GLS2: variants seen among roughly 807,000 people sequenced by gnomAD.
GLS2 encodes glutaminase liver isoform, mitochondrial.
GLS2 carries 52 observed loss-of-function variants against 79.0 expected under a neutral mutation model. That is an observed-to-expected ratio of 0.66 (90% CI 0.53 to 0.83). GLS2 has a LOEUF of 0.83. GLS2 is among the 40% of genes least tolerant of loss of function. The pLI is 0.00. For missense variants in GLS2, 561 were observed against 764.8 expected (o/e 0.73, Z 3.14); for synonymous variants, 238 against 280.8 (o/e 0.85, Z 1.52).
chr12:56,473,662 C>T, intron 12 of GLS2, 68 bp from the exon 13 acceptor site: 1 of 1,535,808 alleles, frequency 6.5e-7, no homozygotes, highest in Non-Finnish European at 8.8e-7. Context: ...ACAAGTTAGG[C>T]TGTACTCTTA....
chr12:56,487,561 T>G, intron 1 of GLS2: 3 of 305,506 alleles, frequency 9.8e-6, no homozygotes, highest in South Asian at 4.4e-5. Flanking sequence ...CAGGAGGCTG[T>G]TCCACATCCA....
intron 6 of GLS2, 71 bp downstream of exon 6, chr12:56,477,862 G>A: frequency 6.4e-7 from 1 of 1,560,482 alleles, no homozygotes; most frequent in Non-Finnish European, 8.7e-7. Flanking sequence ...AACAAAAAAG[G>A]CTGGGAGATG....
intron 15 of GLS2, 137 bp from the exon 16 acceptor site, chr12:56,472,332 A>G (rs1458155065): frequency 2.7e-6 from 2 of 727,432 alleles, no homozygotes; most frequent in South Asian, 1.7e-5. Flanking sequence ...GCTCTGAATA[A>G]TCTTTTTTCC....
At chr12:56,484,307 C>T (rs773443297) in intron 1 of GLS2, among the ~76,000 whole-genome samples, 13 of 152,126 alleles carry the variant, frequency 8.5e-5, no homozygotes, top group Admixed American at 3.9e-4. Context: ...ATTGATTCAT[C>T]TCCTTCTACA....
chr12:56,475,095 C>T lies in GLS2; in HGVS notation c.945G>A (p.Lys315=). The change falls in exon 10 of 18, where the codon AAG becomes AAA. Residue 315 remains lysine, a synonymous_variant. Transcript: ENST00000311966. The stretch of plus-strand genomic sequence containing the variant: ...TGGCATAATTCCGATCCCCTGTTTC[C>T]TTCTCTGACTGGAATCTGAAGCAAA... ...GFSNATFQSE[K]ETGDRNYAIG... 1 of 1,614,136 alleles carries T rather than the reference C, an allele frequency of 6.2e-7. No individual in the cohort carries two copies. The highest frequency in any genetic ancestry group is 1.1e-5 in the South Asian group (1 of 91,092).
intron 17 of GLS2, 63 bp from the exon 18 acceptor site, chr12:56,471,706 G>T: frequency 6.2e-7 from 1 of 1,611,576 alleles, no homozygotes; most frequent in Non-Finnish European, 8.5e-7. Context: ...GTATATATTT[G>T]CATGGTGGCT....
intron 1 of GLS2, among the ~76,000 whole-genome samples, chr12:56,485,371 A>G (rs559045581): frequency 1.3e-5 from 2 of 152,004 alleles, no homozygotes; most frequent in Admixed American, 6.5e-5. Flanking sequence ...ATCCTCCCAC[A>G]TCAATCTCCC....
At chr12:56,479,975 G>A in intron 2 of GLS2, 74 bp from the exon 3 acceptor site, 1 of 1,554,362 alleles carries the variant, frequency 6.4e-7, no homozygotes, top group Non-Finnish European at 8.7e-7. Context: ...TTTCCCACTG[G>A]ATACCCAATT....
At chr12:56,479,956 C>A in intron 2 of GLS2, 55 bp from the exon 3 acceptor site, 1 of 1,578,634 alleles carries the variant, frequency 6.3e-7, no homozygotes, top group Non-Finnish European at 8.6e-7. Flanking sequence ...TGATGTACTC[C>A]TCATAATCTT....
chr12:56,485,965 G>A (rs1311400829), intron 1 of GLS2, among the ~76,000 whole-genome samples: 2 of 134,842 alleles, frequency 1.5e-5, no homozygotes, highest in Non-Finnish European at 3.1e-5. Flanking sequence ...GCAGTGAGCC[G>A]AGATTGCGCC....
At chr12:56,472,948 C>T (rs1000265411) in intron 14 of GLS2, 197 bp from the exon 15 acceptor site, 24 of 564,592 alleles carry the variant, frequency 4.3e-5, no homozygotes, top group South Asian at 1.9e-4. Flanking sequence ...AGTGTAGTGG[C>T]GCGCGGTCTT....
intron 3 of GLS2, 42 bp from the exon 4 acceptor site, chr12:56,479,223 C>A: frequency 6.2e-7 from 1 of 1,605,000 alleles, no homozygotes; most frequent in Non-Finnish European, 8.5e-7. Flanking sequence ...TAGAGAAATG[C>A]AGCTGGGACT....
At position 56,471,489 on chromosome 12, in the gene GLS2, A is replaced by G; in HGVS notation, c.1807T>C (p.Ter603ArgextTer19). The G allele has an allele frequency of 6.2e-7, 1 of 1,612,444 alleles. No homozygotes were observed. Among genetic ancestry groups the G allele is most frequent in the South Asian group, 1.1e-5 (1 of 90,862 alleles). The change falls in exon 18 of 18, where the codon TGA becomes CGA. Residue 603 changes from the stop codon to arginine (R), a stop_lost. Coordinates refer to ENST00000311966, the MANE Select transcript of GLS2 (RefSeq NM_013267.4). ...LSKENLESMV[*>R] ...CAGGGGCTGTCCATGACCTGTGCTCATACCATGCTTTCTAAGTTCTCTTTG... is the reference window on the plus strand; with the variant it reads ...CAGGGGCTGTCCATGACCTGTGCTCGTACCATGCTTTCTAAGTTCTCTTTG...
intron 4 of GLS2, chr12:56,478,701 A>C (rs926828113): frequency 3.8e-6 from 1 of 261,842 alleles, no homozygotes; most frequent in Non-Finnish European, 7.4e-6. Flanking sequence ...ATCTCTGAGA[A>C]GCGAGGTATA....
chr12:56,471,748 C>T (rs371330171), intron 17 of GLS2, 25 bp downstream of exon 17: 3 of 1,613,600 alleles, frequency 1.9e-6, no homozygotes, highest in South Asian at 1.1e-5. Flanking sequence ...TGCCCACCCT[C>T]CTCCACTTTT....
chr12:56,485,520 CA>C (rs1464201996), intron 1 of GLS2, among the ~76,000 whole-genome samples: 1 of 152,084 alleles, frequency 6.6e-6, no homozygotes, highest in Non-Finnish European at 1.5e-5. Context: ...CTGCCTTGGC[CA>C]CCCACAGTGC....
intron 12 of GLS2, 85 bp from the exon 13 acceptor site, chr12:56,473,679 T>C: frequency 6.7e-7 from 1 of 1,492,592 alleles, no homozygotes; most frequent in East Asian, 2.3e-5. Context: ...CTTAACAAGT[T>C]TACAAATGAC....
Position 56,474,615 on chromosome 12 carries a change from C to T in GLS2, c.1153G>A (p.Ala385Thr), listed in dbSNP as rs1183385555. 1.2e-6 allele frequency: 2 copies of T among 1,614,206 alleles called. No individual in the cohort carries two copies. Residue 385 changes from alanine (A) to threonine (T), a missense_variant, in exon 12 of 18, where the codon GCA becomes ACA. Transcript: ENST00000311966. ...ITGESVLSAEAVRNTLSLMHS... is the reference protein window; with the variant it reads ...ITGESVLSAETVRNTLSLMHS... ...ATGAGGCTGAGGGTGTTGCGCACTGCTTCAGCACTCAGCACACTCTCGCCT... is the reference window on the plus strand; with the variant it reads ...ATGAGGCTGAGGGTGTTGCGCACTGTTTCAGCACTCAGCACACTCTCGCCT...
chr12:56,484,973 T>C lies in GLS2; in HGVS notation c.182+2964A>G, dbSNP rs374853299. Among the ~76,000 whole-genome samples, 52 of 152,288 alleles carry C rather than the reference T, an allele frequency of 3.4e-4. No homozygotes were observed. The South Asian group carries it at 8.5e-3, about 25-fold the overall frequency. On this transcript the variant is annotated intron_variant, in intron 1 of 17. Coordinates refer to ENST00000311966, the MANE Select transcript of GLS2 (RefSeq NM_013267.4). The stretch of plus-strand genomic sequence containing the variant: ...ATTTCCTTGGAATTTATGAAATAAT[T>C]GAACAAGTGTACAAGACTATATAGT...
Sources: allele counts gnomAD v4.1 joint callset (sites outside exome capture counted in the v4.1 genomes callset), GRCh38; gene constraint gnomAD v4.1.1; transcripts MANE v1.5; gene names NCBI Gene and HGNC (gene_info 2026-07-23, HGNC 2026-07-21).